Variants in MREG observed in about 807,000 individuals in gnomAD.
MREG encodes melanoregulin.
In MREG, 31 loss-of-function variants were observed where a neutral mutation model predicts 28.5. The observed-to-expected ratio is 1.09, with a 90% confidence interval of 0.82 to 1.47. The LOEUF (loss-of-function observed/expected upper bound fraction) is 1.47, where lower values mean the gene tolerates loss of function less well. Ranked by LOEUF, MREG falls within the 40% of genes most tolerant of loss-of-function variation. The probability of loss-of-function intolerance (pLI) is 0.00; values close to 1 mark genes in which losing one functional copy is unlikely to be tolerated. For synonymous variants in MREG, 106 were observed against 95.2 expected (o/e 1.11, Z -0.66); for missense variants, 256 against 257.4 (o/e 0.99, Z 0.04).
chr2:215,990,147 A>C (rs1230302622), intron 2 of MREG, among the ~76,000 whole-genome samples: 2 of 152,198 alleles, frequency 1.3e-5, no homozygotes, highest in Non-Finnish European at 2.9e-5. Context: ...AGCCAGAGAG[A>C]AAGGTCGGGT....
intron 2 of MREG, among the ~76,000 whole-genome samples, chr2:215,984,175 T>C (rs1229988018): frequency 6.6e-6 from 1 of 152,164 alleles, no homozygotes; most frequent in Admixed American, 6.5e-5. Flanking sequence ...GGAAAACTCC[T>C]CTTTTTAAAA....
intron 2 of MREG, among the ~76,000 whole-genome samples, chr2:215,958,487 C>T (rs1259204067): frequency 6.6e-6 from 1 of 152,180 alleles, no homozygotes; most frequent in Non-Finnish European, 1.5e-5. Context: ...AAGAAACGAG[C>T]TCACGTCTCT....
chr2:215,989,873 C>A (rs186428572), intron 2 of MREG, among the ~76,000 whole-genome samples: 1 of 151,920 alleles, frequency 6.6e-6, no homozygotes, highest in Non-Finnish European at 1.5e-5. Flanking sequence ...GTAAAGAAAA[C>A]CTCCAAGAAA....
At chr2:215,990,622 C>A (rs1318008702) in intron 2 of MREG, among the ~76,000 whole-genome samples, 1 of 152,110 alleles carries the variant, frequency 6.6e-6, no homozygotes, top group African/African-American at 2.4e-5. Flanking sequence ...AGAGTCAAGA[C>A]CCATCAGTGT....
intron 2 of MREG, among the ~76,000 whole-genome samples, chr2:215,960,086 G>C (rs1177515679): frequency 6.6e-6 from 1 of 152,074 alleles, no homozygotes; most frequent in Non-Finnish European, 1.5e-5. Flanking sequence ...CTCCCGAGTA[G>C]TTGGGACTAC....
At chr2:215,987,048 CT>C (rs1336159419) in intron 2 of MREG, among the ~76,000 whole-genome samples, 1 of 152,082 alleles carries the variant, frequency 6.6e-6, no homozygotes, top group African/African-American at 2.4e-5. Context: ...TCAATAGGAA[CT>C]GGTTGAATAA....
At chr2:215,991,430 G>C (rs1363627777) in intron 2 of MREG, among the ~76,000 whole-genome samples, 1 of 152,174 alleles carries the variant, frequency 6.6e-6, no homozygotes, top group African/African-American at 2.4e-5. Context: ...ATGTGCATAG[G>C]AGAAAGCAGG....
chr2:216,015,154 C>T (rs368905158), upstream of MREG, among the ~76,000 whole-genome samples: 15 of 55,894 alleles, frequency 2.7e-4, no homozygotes, highest in East Asian at 7.1e-3. Context: ...TGCGTGCGTA[C>T]GTGTGCGCGC....
At chr2:216,005,422 G>A (rs115557388) in intron 1 of MREG, among the ~76,000 whole-genome samples, 2,714 of 149,098 alleles carry the variant, frequency 0.018, 79 homozygotes, top group African/African-American at 0.062. Context: ...GTGGTTACAC[G>A]AGTATTCACT....
intron 2 of MREG, among the ~76,000 whole-genome samples, chr2:215,992,348 C>G (rs1473211485): frequency 6.6e-6 from 1 of 152,134 alleles, no homozygotes; most frequent in Non-Finnish European, 1.5e-5. Context: ...ATTCAACAGC[C>G]CTTCATGCTA....
At chr2:216,018,381 T>C (rs1032194730), upstream of MREG, among the ~76,000 whole-genome samples, 4 of 152,196 alleles carry the variant, frequency 2.6e-5, no homozygotes, top group Non-Finnish European at 4.4e-5. Flanking sequence ...CCTAGAACAG[T>C]GCAGACCTTG....
intron 1 of MREG, among the ~76,000 whole-genome samples, chr2:216,009,593 T>C (rs891556201): frequency 6.6e-6 from 1 of 152,172 alleles, no homozygotes; most frequent in Admixed American, 6.5e-5. Context: ...ACTGCAGCTG[T>C]GCCTCCAGGA....
chr2:216,011,799 G>A (rs570701411), intron 1 of MREG, among the ~76,000 whole-genome samples: 3 of 152,294 alleles, frequency 2.0e-5, no homozygotes, highest in South Asian at 2.1e-4. Flanking sequence ...AGCCTCTGAG[G>A]TTGAAACTAA....
chr2:215,951,400 C>A (rs1260808013), intron 2 of MREG, among the ~76,000 whole-genome samples: 2 of 152,260 alleles, frequency 1.3e-5, no homozygotes, highest in East Asian at 3.9e-4. Flanking sequence ...TTGAAAACAA[C>A]AGTTAAAAGT....
At chr2:216,033,398 T>C (rs1176503578), upstream of MREG, among the ~76,000 whole-genome samples, 1 of 152,020 alleles carries the variant, frequency 6.6e-6, no homozygotes, top group African/African-American at 2.4e-5. Flanking sequence ...GAGTAAGTGG[T>C]AGAAGCTGGG....
At chr2:215,962,491 A>G (rs1692818002) in intron 2 of MREG, among the ~76,000 whole-genome samples, 1 of 152,216 alleles carries the variant, frequency 6.6e-6, no homozygotes, top group Non-Finnish European at 1.5e-5. Context: ...TGCAAGGAAG[A>G]AAGATAATTA....
chr2:215,997,034 G>GCCTC (rs1215931545), intron 1 of MREG, among the ~76,000 whole-genome samples: 1 of 152,176 alleles, frequency 6.6e-6, no homozygotes, highest in Non-Finnish European at 1.5e-5. Context: ...GTCCACCTTG[G>GCCTC]CCTCCCGAAG....
At chr2:215,966,530 G>T (rs867341641) in intron 2 of MREG, among the ~76,000 whole-genome samples, 3 of 151,482 alleles carry the variant, frequency 2.0e-5, no homozygotes, top group Admixed American at 6.6e-5. Context: ...TGTTGTGCTT[G>T]TCAATGGCAA....
chr2:215,975,732 A>G (rs1693238846), intron 2 of MREG, among the ~76,000 whole-genome samples: 1 of 152,212 alleles, frequency 6.6e-6, no homozygotes, highest in South Asian at 2.1e-4. Context: ...TTCAGTTGGG[A>G]AAGTGTAACT....
Sources: allele counts gnomAD v4.1 joint callset (sites outside exome capture counted in the v4.1 genomes callset), GRCh38; gene constraint gnomAD v4.1.1; transcripts MANE v1.5; gene names NCBI Gene and HGNC (gene_info 2026-07-23, HGNC 2026-07-21).